Variants in RAB6B observed in about 807,000 individuals in gnomAD.
RAB6B encodes RAB6B, member RAS oncogene family, also known as ras-related protein Rab-6B.
Under a neutral mutation model 31.2 loss-of-function variants are expected in RAB6B, and 7 were observed. The ratio of observed to expected loss-of-function variants is 0.22; its 90% CI spans 0.13 to 0.42. RAB6B has a LOEUF of 0.42. Ranked by LOEUF, RAB6B falls within the 10% of genes least tolerant of loss-of-function variation. The probability of loss-of-function intolerance (pLI) is 1.00; values close to 1 mark genes in which losing one functional copy is unlikely to be tolerated. For synonymous variants in RAB6B, 105 were observed against 104.9 expected (o/e 1.00, Z -0.01); for missense variants, 149 against 280.6 (o/e 0.53, Z 3.35).
At chr3:133,893,372 G>A (rs1576413450) in intron 1 of RAB6B, among the ~76,000 whole-genome samples, 1 of 152,166 alleles carries the variant, frequency 6.6e-6, no homozygotes, top group Non-Finnish European at 1.5e-5. Context: ...CTGTTCCCTG[G>A]GGCTCAGACT....
intron 7 of RAB6B, among the ~76,000 whole-genome samples, chr3:133,834,129 G>A (rs1935695732): frequency 6.6e-6 from 1 of 152,128 alleles, no homozygotes. Context: ...GCTGGGTAGA[G>A]AAGGTGGGCG....
chr3:133,842,027 G>A (rs572546389), intron 2 of RAB6B, among the ~76,000 whole-genome samples: 11 of 152,168 alleles, frequency 7.2e-5, no homozygotes, highest in Non-Finnish European at 1.3e-4. Context: ...TCCCTTCATG[G>A]CCTAACCTGC....
chr3:133,854,544 T>C (rs1576399595), intron 2 of RAB6B, among the ~76,000 whole-genome samples: 1 of 152,260 alleles, frequency 6.6e-6, no homozygotes, highest in East Asian at 1.9e-4. Flanking sequence ...TGGGATGAGA[T>C]TGCTCCAAAC....
intron 1 of RAB6B, among the ~76,000 whole-genome samples, chr3:133,882,502 T>C (rs1936482410): frequency 6.6e-6 from 1 of 152,232 alleles, no homozygotes; most frequent in Non-Finnish European, 1.5e-5. Context: ...ACTCCACCTC[T>C]GCCTTTTCTC....
chr3:133,878,072 T>C (rs1040475770), intron 1 of RAB6B, among the ~76,000 whole-genome samples: 13 of 152,082 alleles, frequency 8.5e-5, no homozygotes, highest in South Asian at 2.1e-4. Context: ...TCAAGTGGTC[T>C]AACATCCATG....
At chr3:133,871,006 C>G (rs755150468) in intron 1 of RAB6B, among the ~76,000 whole-genome samples, 1 of 152,220 alleles carries the variant, frequency 6.6e-6, no homozygotes, top group Non-Finnish European at 1.5e-5. Context: ...CCACCAGTGC[C>G]CCATGGGCCC....
intron 4 of RAB6B, among the ~76,000 whole-genome samples, chr3:133,840,322 C>T (rs1935806359): frequency 6.6e-6 from 1 of 152,184 alleles, no homozygotes; most frequent in African/African-American, 2.4e-5. Context: ...AAGGCAATAC[C>T]CACCACTCGG....
intron 2 of RAB6B, among the ~76,000 whole-genome samples, chr3:133,857,873 TC>T (rs1377095572): frequency 6.6e-6 from 1 of 152,142 alleles, no homozygotes; most frequent in Non-Finnish European, 1.5e-5. Context: ...GTTGGCCCCT[TC>T]CACTTCCTGT....
At chr3:133,871,155 G>A (rs1330859053) in intron 1 of RAB6B, among the ~76,000 whole-genome samples, 2 of 152,278 alleles carry the variant, frequency 1.3e-5, no homozygotes, top group African/African-American at 2.4e-5. Context: ...TGCCAGTCCT[G>A]TTGTGCAGGG....
chr3:133,884,335 C>A (rs1449615759), intron 1 of RAB6B, among the ~76,000 whole-genome samples: 1 of 152,252 alleles, frequency 6.6e-6, no homozygotes. Flanking sequence ...TTGACCTGAA[C>A]AGGCTGCCTT....
At chr3:133,887,116 C>T (rs1936559800) in intron 1 of RAB6B, among the ~76,000 whole-genome samples, 1 of 152,128 alleles carries the variant, frequency 6.6e-6, no homozygotes, top group Admixed American at 6.5e-5. Flanking sequence ...CTTTCCCTGC[C>T]CTCCCAGCTT....
intron 1 of RAB6B, among the ~76,000 whole-genome samples, chr3:133,883,864 A>C (rs1936502293): frequency 6.6e-6 from 1 of 152,228 alleles, no homozygotes; most frequent in African/African-American, 2.4e-5. Flanking sequence ...TCCTGAGCCA[A>C]AATGGTCCTC....
intron 1 of RAB6B, among the ~76,000 whole-genome samples, chr3:133,886,271 G>A (rs1276790910): frequency 6.6e-6 from 1 of 152,166 alleles, no homozygotes; most frequent in African/African-American, 2.4e-5. Flanking sequence ...ACTCCTCCAA[G>A]CACATCACGC....
chr3:133,836,322 T>G (rs776951388), intron 6 of RAB6B, among the ~76,000 whole-genome samples: 1 of 152,196 alleles, frequency 6.6e-6, no homozygotes, highest in Non-Finnish European at 1.5e-5. Context: ...GGCTCTGATC[T>G]GCCTGTCTGG....
chr3:133,838,404 C>A, intron 5 of RAB6B, 145 bp from the exon 6 acceptor site: 2 of 729,278 alleles, frequency 2.7e-6, no homozygotes, highest in South Asian at 3.1e-5. Flanking sequence ...AAGGGTCCCT[C>A]CCGGGCACCA....
At chr3:133,851,722 A>G (rs934284192) in intron 2 of RAB6B, among the ~76,000 whole-genome samples, 1 of 152,212 alleles carries the variant, frequency 6.6e-6, no homozygotes, top group Non-Finnish European at 1.5e-5. Context: ...CACTTTGCAG[A>G]TAAGCCAGAG....
Position 133,887,979 on chromosome 3 carries a change from C to CG in RAB6B, c.70+7417dup, listed in dbSNP as rs574710074. ...AAGACCAGCTCCAGCAGCTCCCACA[C>CG]GGAGACCCTGCTTCCCTCCTCCCTG... On this transcript the variant is annotated intron_variant, in intron 1 of 7. Transcript: ENST00000285208. Among the ~76,000 whole-genome samples the CG allele has an allele frequency of 6.6e-5, 10 of 152,316 alleles. No individual in the cohort carries two copies. The East Asian group carries it at 1.9e-3, about 29-fold the overall frequency.
At chr3:133,891,184 T>TG (rs1936633465) in intron 1 of RAB6B, among the ~76,000 whole-genome samples, 1 of 152,034 alleles carries the variant, frequency 6.6e-6, no homozygotes, top group Non-Finnish European at 1.5e-5. Flanking sequence ...TTCCAGGCAG[T>TG]GGGGGCCACT....
At chr3:133,890,403 G>C (rs553242852) in intron 1 of RAB6B, among the ~76,000 whole-genome samples, 46 of 152,214 alleles carry the variant, frequency 3.0e-4, no homozygotes, top group African/African-American at 1.1e-3. Context: ...TCAGAAGTTC[G>C]AGACCAGCCT....
Sources: gnomAD v4.1 joint callset for allele counts (sites outside exome capture counted in the v4.1 genomes callset) on GRCh38, gnomAD v4.1.1 for gene constraint, MANE v1.5 for transcripts, NCBI Gene and HGNC (gene_info 2026-07-23, HGNC 2026-07-21) for gene names.